Variants in RIMKLB observed in about 807,000 individuals in gnomAD.
RIMKLB encodes the protein beta-citrylglutamate synthase B.
RIMKLB carries 7 observed loss-of-function variants against 32.0 expected under a neutral mutation model. That is an observed-to-expected ratio of 0.22 (90% CI 0.12 to 0.41). The LOEUF (loss-of-function observed/expected upper bound fraction) is 0.41, where lower values mean the gene tolerates loss of function less well. RIMKLB is among the 10% of genes least tolerant of loss of function. RIMKLB has a pLI of 1.00. For missense variants in RIMKLB, 289 were observed against 498.7 expected, an observed-to-expected ratio of 0.58 and a Z score of 4.00; for synonymous variants, 172 against 185.1, an observed-to-expected ratio of 0.93 and a Z score of 0.57.
intron 2 of RIMKLB, among the ~76,000 whole-genome samples, chr12:8,743,230 T>A (rs1222214543): frequency 6.6e-6 from 1 of 151,380 alleles, no homozygotes; most frequent in African/African-American, 2.4e-5. Flanking sequence ...GATGCTCGCC[T>A]GTAATCCCAG....
Position 8,774,929 on chromosome 12 carries a change from A to C in RIMKLB, c.*1145A>C, listed in dbSNP as rs2138325477. 1.0e-6 allele frequency: 1 copy of C among 985,804 alleles called. No homozygotes were observed. Among genetic ancestry groups the C allele is most frequent in the South Asian group, 4.7e-5 (1 of 21,284 alleles). 61.1% of individuals were successfully genotyped at this position (985,804 alleles called of 1,614,324 possible). On this transcript the variant is annotated 3_prime_UTR_variant, in exon 6 of 6. Coordinates refer to ENST00000535829, the MANE Select transcript of RIMKLB (RefSeq NM_001297776.2). ...ATGTGTTTTGCTTTTTGTTTCCATC[A>C]ACTAATCAAAAAGGATAATTTAGAA...
chr12:8,690,010 T>C (rs746470114), intron 1 of RIMKLB, among the ~76,000 whole-genome samples: 5 of 152,178 alleles, frequency 3.3e-5, no homozygotes, highest in Non-Finnish European at 7.3e-5. Context: ...TTGCCCACTC[T>C]ATTAGGCAAT....
intron 2 of RIMKLB, among the ~76,000 whole-genome samples, chr12:8,718,637 GTCTCTC>G (rs759765108): frequency 2.9e-5 from 4 of 136,322 alleles, no homozygotes; most frequent in East Asian, 4.3e-4. Context: ...GCGAGACTCC[GTCTCTC>G]TCTCTCTCTC....
At chr12:8,747,843 C>T (rs1288670954) in intron 2 of RIMKLB, among the ~76,000 whole-genome samples, 1 of 151,948 alleles carries the variant, frequency 6.6e-6, no homozygotes, top group Admixed American at 6.6e-5. Context: ...GCAACCTCCG[C>T]CTCCCGAGTT....
intron 2 of RIMKLB, 68 bp from the exon 3 acceptor site, chr12:8,749,794 A>AT (rs1948466913): frequency 1.0e-6 from 1 of 999,352 alleles, no homozygotes; most frequent in Non-Finnish European, 1.5e-6. Context: ...ACTTTGGCGT[A>AT]TTACTATTCC....
intron 5 of RIMKLB, among the ~76,000 whole-genome samples, chr12:8,769,765 T>C (rs1950256815): frequency 6.6e-6 from 1 of 152,152 alleles, no homozygotes; most frequent in Admixed American, 6.6e-5. Flanking sequence ...CTTGATACTT[T>C]ATTTACTACT....
At chr12:8,773,084 T>A (rs1301017662) in intron 5 of RIMKLB, among the ~76,000 whole-genome samples, 1 of 134,216 alleles carries the variant, frequency 7.5e-6, no homozygotes, top group Non-Finnish European at 1.5e-5. Flanking sequence ...TTATTGCAAG[T>A]AAGATAGACT....
chr12:8,708,527 T>C (rs1944094928), intron 1 of RIMKLB, among the ~76,000 whole-genome samples: 1 of 152,218 alleles, frequency 6.6e-6, no homozygotes, highest in African/African-American at 2.4e-5. Context: ...ATTGAACTTT[T>C]CCTTTGTTTA....
At chr12:8,769,452 T>C (rs1253984113) in intron 5 of RIMKLB, among the ~76,000 whole-genome samples, 2 of 152,204 alleles carry the variant, frequency 1.3e-5, no homozygotes, top group Non-Finnish European at 2.9e-5. Context: ...TGTTTTTTAT[T>C]CAAATCGGAC....
intron 2 of RIMKLB, among the ~76,000 whole-genome samples, chr12:8,748,974 TA>T (rs1948394502): frequency 6.6e-6 from 1 of 152,142 alleles, no homozygotes; most frequent in South Asian, 2.1e-4. Context: ...CTTGTTTGTG[TA>T]TTATTTGGGG....
chr12:8,699,370 C>A (rs1943184006), intron 1 of RIMKLB, among the ~76,000 whole-genome samples: 1 of 151,986 alleles, frequency 6.6e-6, no homozygotes, highest in African/African-American at 2.4e-5. Context: ...GTTACTTTCA[C>A]AATATTGGGT....
At chr12:8,763,062 G>T (rs998738214) in intron 5 of RIMKLB, among the ~76,000 whole-genome samples, 1 of 152,186 alleles carries the variant, frequency 6.6e-6, no homozygotes, top group African/African-American at 2.4e-5. Context: ...GTCTCTTTTA[G>T]CAGTGAGTAT....
At chr12:8,736,284 A>C (rs1946997674) in intron 2 of RIMKLB, among the ~76,000 whole-genome samples, 1 of 152,240 alleles carries the variant, frequency 6.6e-6, no homozygotes. Flanking sequence ...CCAAGCAGTT[A>C]AAATGAAAAG....
At chr12:8,691,768 A>G (rs1024521000) in intron 1 of RIMKLB, among the ~76,000 whole-genome samples, 2 of 152,212 alleles carry the variant, frequency 1.3e-5, no homozygotes, top group Non-Finnish European at 2.9e-5. Context: ...TTGTACAAAA[A>G]ACAGCAAGGC....
rs1246574991 is a variant in RIMKLB at position 8,776,533 on chromosome 12, A to G, written c.*2749A>G. 3 of 766,978 alleles carry G rather than the reference A, an allele frequency of 3.9e-6. No homozygotes were observed. Among genetic ancestry groups the G allele is most frequent in the African/African-American group, 1.9e-5 (1 of 52,830 alleles). 47.5% of individuals were successfully genotyped at this position (766,978 alleles called of 1,614,324 possible). A position where few individuals can be genotyped will look rare whatever the true frequency, so the allele number is the denominator to read the frequency against. ...AAAATCTGAATTGTAAAATTTTTGT[A>G]TATTGTTAAAATTGTAATTCTAAAT... On this transcript the variant is annotated 3_prime_UTR_variant, in exon 6 of 6. Coordinates refer to ENST00000535829, the MANE Select transcript of RIMKLB (RefSeq NM_001297776.2).
At chr12:8,770,216 A>G (rs58451473) in intron 5 of RIMKLB, among the ~76,000 whole-genome samples, 12,567 of 151,898 alleles carry the variant, frequency 0.083, 1,716 homozygotes, top group African/African-American at 0.28. Flanking sequence ...GTTCGCCTCG[A>G]CCTCCCATAG....
rs149261005 is a variant in RIMKLB at position 8,707,122 on chromosome 12, A to G, written c.-56-6689A>G. On this transcript the variant is annotated intron_variant, in intron 1 of 5. Coordinates refer to ENST00000535829, the MANE Select transcript of RIMKLB (RefSeq NM_001297776.2). ...ATCAACACAGAAGATCCACTGATGG[A>G]GATTTCTCCTCACCAACAGTCATTT... Among the ~76,000 whole-genome samples, 627 of 152,288 alleles carry G rather than the reference A, an allele frequency of 4.1e-3. 8 individuals carry two copies. The highest frequency in any genetic ancestry group is 0.014 in the African/African-American group (592 of 41,560).
intron 3 of RIMKLB, 34 bp downstream of exon 3, chr12:8,750,126 A>G (rs745349575): frequency 7.0e-6 from 9 of 1,293,400 alleles, no homozygotes; most frequent in Middle Eastern, 1.8e-4. Flanking sequence ...TAGCCTGAAT[A>G]TTAACCACTG....
At chr12:8,779,099 A>C (rs1249136383), downstream of RIMKLB, 6 of 152,214 alleles carry the variant, frequency 3.9e-5, no homozygotes, top group Admixed American at 3.9e-4. Flanking sequence ...CTAAAAAATA[A>C]AAAAAGGCTC....
Sources: allele counts gnomAD v4.1 joint callset (sites outside exome capture counted in the v4.1 genomes callset), GRCh38; gene constraint gnomAD v4.1.1; transcripts MANE v1.5; gene names NCBI Gene and HGNC (gene_info 2026-07-23, HGNC 2026-07-21).